The following UBE2W variants were observed in gnomAD, a reference collection of about 807,000 sequenced individuals.
The protein encoded by UBE2W is ubiquitin conjugating enzyme E2 W, also known as ubiquitin-conjugating enzyme E2 W.
UBE2W carries 18 observed loss-of-function variants against 27.2 expected under a neutral mutation model. The observed-to-expected ratio is 0.66, with a 90% CI of 0.46 to 0.98. The LOEUF (loss-of-function observed/expected upper bound fraction) is 0.98. Among genes scored for constraint, UBE2W ranks in the 50% least tolerant of loss-of-function variants. The pLI is 0.00. For missense variants in UBE2W, 90 were observed against 180.2 expected (o/e 0.50, Z 2.87); for synonymous variants, 53 against 57.2 (o/e 0.93, Z 0.33).
chr8:73,790,967 C>A lies in UBE2W; in HGVS notation c.*3135G>T. ...ATTTCATGAGGGAAAAGGTAATAAACTATTCTAGTTATTTTATACCAAATA... is the reference window on the plus strand; with the variant it reads ...ATTTCATGAGGGAAAAGGTAATAAAATATTCTAGTTATTTTATACCAAATA... On this transcript the variant is annotated 3_prime_UTR_variant, in exon 6 of 6. Transcript: ENST00000602593. 1 of 980,032 alleles carries A rather than the reference C, an allele frequency of 1.0e-6. No homozygotes were observed. The highest frequency in any genetic ancestry group is 1.2e-6 in the Non-Finnish European group (1 of 825,190). The allele number at this position is 980,032 out of a possible 1,614,324, so 60.7% of individuals were successfully genotyped here.
At chr8:73,780,278 A>G (rs1034560880) in exon 5 of UBE2W, 8 of 247,368 alleles carry the variant, frequency 3.2e-5, no homozygotes, top group Non-Finnish European at 5.8e-5. Flanking sequence ...ACATCACCCC[A>G]TGACTGCATG....
chr8:73,861,957 G>T (rs1028249996), intron 1 of UBE2W, among the ~76,000 whole-genome samples: 1 of 152,194 alleles, frequency 6.6e-6, no homozygotes, highest in African/African-American at 2.4e-5. Context: ...AACAAATATA[G>T]ATCTTTCCAA....
At chr8:73,815,557 C>T (rs1396731559) in intron 3 of UBE2W, among the ~76,000 whole-genome samples, 7 of 152,064 alleles carry the variant, frequency 4.6e-5, no homozygotes, top group African/African-American at 4.8e-5. Context: ...TTGCTAAGAA[C>T]AAAATAAAGG....
chr8:73,791,275 A>C lies in UBE2W; in HGVS notation c.*2827T>G. The C allele has an allele frequency of 2.0e-6, 2 of 984,960 alleles. No homozygotes were observed. Among genetic ancestry groups the C allele is most frequent in the South Asian group, 9.4e-5 (2 of 21,282 alleles). The allele number at this position is 984,960 out of a possible 1,614,324, so 61.0% of individuals were successfully genotyped here. A position where few individuals can be genotyped will look rare whatever the true frequency, so the allele number is the denominator to read the frequency against. On this transcript the variant is annotated 3_prime_UTR_variant, in exon 6 of 6. Transcript: ENST00000602593. ...ATCCCTACTTGACCAAAGAAAAAAA[A>C]AAAAAAGAAGGGCATCATGTTCATG...
In UBE2W at chr8:73,792,594, A is replaced by G. The variant is rs1158235829; in HGVS notation, c.*1508T>C. ...CCAACTGGCTTTCAGTTTTAAGCCC[A>G]AATTGATTCATATATTCACTGCAGG... On this transcript the variant is annotated 3_prime_UTR_variant, in exon 6 of 6. Coordinates refer to ENST00000602593, the MANE Select transcript of UBE2W (RefSeq NM_018299.6). 1 of 985,684 alleles carries G rather than the reference A, an allele frequency of 1.0e-6. No individual in the cohort carries two copies. The highest frequency in any genetic ancestry group is 1.7e-5 in the African/African-American group (1 of 57,248). The allele number at this position is 985,684 out of a possible 1,614,324, so 61.1% of individuals were successfully genotyped here. A position where few individuals can be genotyped will look rare whatever the true frequency, so the allele number is the denominator to read the frequency against.
intron 3 of UBE2W, among the ~76,000 whole-genome samples, chr8:73,824,010 G>A (rs549434633): frequency 1.3e-4 from 20 of 152,292 alleles, no homozygotes; most frequent in African/African-American, 4.3e-4. Flanking sequence ...CAGGTATTTG[G>A]TTGTATTTTC....
At position 73,863,707 on chromosome 8, in the gene UBE2W, G is replaced by A. The variant is rs972619513; in HGVS notation, c.15+15101C>T. On this transcript the variant is annotated intron_variant, in intron 1 of 5. Transcript: ENST00000602593. The stretch of plus-strand genomic sequence containing the variant: ...TGAGAGGTGGAGGGTGCAGTGAGCC[G>A]AGATCATGCCAGGGCACTCCAGCCT... Among the ~76,000 whole-genome samples, 9 of 151,822 alleles carry A rather than the reference G, an allele frequency of 5.9e-5. 1 individual carries two copies. Among genetic ancestry groups the A allele is most frequent in the Admixed American group, 3.9e-4 (6 of 15,230 alleles).
In UBE2W at chr8:73,795,363, C is replaced by T. The variant is rs938902541; in HGVS notation, c.443-1248G>A. Among the ~76,000 whole-genome samples the T allele has an allele frequency of 6.6e-5, 10 of 152,260 alleles. No homozygotes were observed. In the East Asian group the frequency reaches 1.7e-3, roughly 26 times the overall value. On this transcript the variant is annotated intron_variant, in intron 5 of 5. Coordinates refer to ENST00000602593, the MANE Select transcript of UBE2W (RefSeq NM_018299.6). ...TGTTAAAGGGGCTGGGACCTCCTTCCTGTCTCTTGCTCCCTTCTATTGCCA... is the reference window on the plus strand; with the variant it reads ...TGTTAAAGGGGCTGGGACCTCCTTCTTGTCTCTTGCTCCCTTCTATTGCCA...
At chr8:73,812,929 C>T (rs1052085562) in intron 3 of UBE2W, among the ~76,000 whole-genome samples, 10 of 150,836 alleles carry the variant, frequency 6.6e-5, no homozygotes, top group Non-Finnish European at 1.0e-4. Flanking sequence ...TGCTTGAACC[C>T]GGGAGGCAGA....
intron 2 of UBE2W, among the ~76,000 whole-genome samples, chr8:73,826,015 T>C (rs967887362): frequency 6.6e-6 from 1 of 152,112 alleles, no homozygotes; most frequent in Non-Finnish European, 1.5e-5. Flanking sequence ...CAGAGAACCG[T>C]AGCTGTCAGA....
Position 73,825,278 on chromosome 8 carries a change from T to C in UBE2W, c.108-29A>G. ...GAATAGAAAAGGCAAATTAAAAACT[T>C]AAGATAATAGAGACTGGGGTAAGGA... is the stretch of plus-strand genomic sequence containing the variant. On this transcript the variant is annotated intron_variant, in intron 2 of 5. Coordinates refer to ENST00000602593, the MANE Select transcript of UBE2W (RefSeq NM_018299.6). 2.7e-6 allele frequency: 4 copies of C among 1,490,880 alleles called. No homozygotes were observed. The South Asian group carries it at 4.9e-5, about 18-fold the overall frequency. The allele number at this position is 1,490,880 out of a possible 1,614,324, so 92.4% of individuals were successfully genotyped here.
intron 2 of UBE2W, 55 bp from the exon 3 acceptor site, chr8:73,825,304 G>A (rs913796874): frequency 1.6e-5 from 20 of 1,268,448 alleles, no homozygotes; most frequent in Admixed American, 9.8e-5. Flanking sequence ...GGGGTAAGGA[G>A]GAGAAAAGAG....
At chr8:73,824,007 T>C (rs1809728444) in intron 3 of UBE2W, among the ~76,000 whole-genome samples, 2 of 152,200 alleles carry the variant, frequency 1.3e-5, no homozygotes, top group South Asian at 4.1e-4. Flanking sequence ...TTTCAGGTAT[T>C]TGGTTGTATT....
chr8:73,840,126 G>C (rs147345070), intron 1 of UBE2W, among the ~76,000 whole-genome samples: 1 of 151,610 alleles, frequency 6.6e-6, no homozygotes, highest in Non-Finnish European at 1.5e-5. Context: ...GTGCGATCTC[G>C]GCTCACTGCA....
At chr8:73,805,468 A>C (rs1217415407) in intron 5 of UBE2W, among the ~76,000 whole-genome samples, 183 bp downstream of exon 5, 2 of 135,178 alleles carry the variant, frequency 1.5e-5, no homozygotes, top group African/African-American at 2.7e-5. Context: ...AAAAAAAAAA[A>C]AAACAAAAAA....
Position 73,791,228 on chromosome 8 carries a change from T to A in UBE2W, c.*2874A>T. ...TCTCTTAAAAACTGAAAACAATCCTTCTCTCTAAACCTATGGCATTAATCC... is the reference window on the plus strand; with the variant it reads ...TCTCTTAAAAACTGAAAACAATCCTACTCTCTAAACCTATGGCATTAATCC... On this transcript the variant is annotated 3_prime_UTR_variant, in exon 6 of 6. Coordinates refer to ENST00000602593, the MANE Select transcript of UBE2W (RefSeq NM_018299.6). The A allele has an allele frequency of 1.0e-6, 1 of 982,246 alleles. No homozygotes were observed. Among genetic ancestry groups the A allele is most frequent in the Non-Finnish European group, 1.2e-6 (1 of 829,192 alleles). 60.8% of individuals were successfully genotyped at this position (982,246 alleles called of 1,614,324 possible). A position where few individuals can be genotyped will look rare whatever the true frequency, so the allele number is the denominator to read the frequency against.
At position 73,802,616 on chromosome 8, in the gene UBE2W, G is replaced by A. The variant is rs570393671; in HGVS notation, c.442+3035C>T. 3.3e-5 allele frequency among the ~76,000 whole-genome samples: 5 copies of A among 152,338 alleles called. No individual in the cohort carries two copies. The South Asian group carries it at 8.3e-4, about 25-fold the overall frequency. On this transcript the variant is annotated intron_variant, in intron 5 of 5. Coordinates refer to ENST00000602593, the MANE Select transcript of UBE2W (RefSeq NM_018299.6). Reference sequence around the variant, plus strand: ...GTTATATTTTAAAAATAGGCCAGGCGCAGTGGCTCACGCCTGTAATCCCAG... The same window carrying A: ...GTTATATTTTAAAAATAGGCCAGGCACAGTGGCTCACGCCTGTAATCCCAG...
intron 4 of UBE2W, among the ~76,000 whole-genome samples, chr8:73,781,082 CA>C (rs1807831948): frequency 6.6e-6 from 1 of 151,418 alleles, no homozygotes; most frequent in Non-Finnish European, 1.5e-5. Flanking sequence ...CCAGCCTGGC[CA>C]ACATGGTGAA....
At chr8:73,802,205 A>G (rs886407040) in intron 5 of UBE2W, among the ~76,000 whole-genome samples, 2 of 152,212 alleles carry the variant, frequency 1.3e-5, no homozygotes, top group Non-Finnish European at 2.9e-5. Flanking sequence ...AAAGGATTAC[A>G]CTAACTTGCT....
Sources: gnomAD v4.1 joint callset for allele counts (sites outside exome capture counted in the v4.1 genomes callset) on GRCh38, gnomAD v4.1.1 for gene constraint, MANE v1.5 for transcripts, NCBI Gene and HGNC (gene_info 2026-07-23, HGNC 2026-07-21) for gene names.